Variants in DENND1B observed in about 807,000 individuals in gnomAD.
The protein encoded by DENND1B is DENN domain-containing protein 1B.
Under a neutral mutation model 90.1 loss-of-function variants are expected in DENND1B, and 59 were observed. The observed-to-expected ratio is 0.65, with a 90% CI of 0.53 to 0.81. The LOEUF is 0.81. Ranked by LOEUF, DENND1B falls within the 40% of genes least tolerant of loss-of-function variation. The probability of loss-of-function intolerance (pLI) is 0.00; values close to 1 mark genes in which losing one functional copy is unlikely to be tolerated. For missense variants in DENND1B, 862 were observed against 912.6 expected (o/e 0.94, Z 0.71); for synonymous variants, 337 against 324.6 (o/e 1.04, Z -0.41).
At chr1:197,589,984 A>T (rs535150869) in intron 14 of DENND1B, among the ~76,000 whole-genome samples, 44 of 152,302 alleles carry the variant, frequency 2.9e-4, no homozygotes, top group African/African-American at 8.2e-4. Context: ...TTATTTAAAA[A>T]TTTGACTTAT....
intron 20 of DENND1B, among the ~76,000 whole-genome samples, chr1:197,525,455 A>G (rs1296977892): frequency 6.6e-6 from 1 of 152,106 alleles, no homozygotes; most frequent in Admixed American, 6.5e-5. Flanking sequence ...ACAGGGTTTC[A>G]ATATTTCAAC....
At chr1:197,696,307 A>G (rs1373059966) in intron 3 of DENND1B, among the ~76,000 whole-genome samples, 3 of 151,536 alleles carry the variant, frequency 2.0e-5, no homozygotes, top group African/African-American at 7.3e-5. Flanking sequence ...TTCTACCAAG[A>G]TTTGATTAAT....
chr1:197,669,711 T>G (rs936312970), intron 5 of DENND1B, among the ~76,000 whole-genome samples: 28 of 152,206 alleles, frequency 1.8e-4, no homozygotes, highest in African/African-American at 6.7e-4. Context: ...AAATTTAAGA[T>G]TTTCCTCTAT....
intron 20 of DENND1B, among the ~76,000 whole-genome samples, chr1:197,538,297 T>C (rs1423503112): frequency 6.6e-6 from 1 of 152,012 alleles, no homozygotes; most frequent in Non-Finnish European, 1.5e-5. Flanking sequence ...TTGAACATAT[T>C]AGTGGTGGGA....
intron 13 of DENND1B, among the ~76,000 whole-genome samples, chr1:197,602,856 G>A (rs558436695): frequency 4.0e-5 from 6 of 151,420 alleles, no homozygotes; most frequent in Non-Finnish European, 7.4e-5. Context: ...GTTTTCTCCA[G>A]TTCTTACATG....
intron 10 of DENND1B, among the ~76,000 whole-genome samples, chr1:197,624,811 GAAGTGCTTA>G (rs1194974163): frequency 6.6e-6 from 1 of 151,896 alleles, no homozygotes; most frequent in Non-Finnish European, 1.5e-5. Context: ...CCAATACAGA[GAAGTGCTTA>G]AAGGAGCTGA....
rs759023347 is a variant in DENND1B, at chr1:197,642,794, C to T, written c.589G>A (p.Val197Met). Residue 197 changes from valine (V) to methionine (M), a missense_variant, in exon 10 of 23, where the codon GTG (valine) becomes ATG (methionine). Physicochemically the swap from Val to Met is conservative, Grantham distance 21 (BLOSUM62 1). Coordinates refer to ENST00000620048, the MANE Select transcript of DENND1B (RefSeq NM_001195215.2). ...AGCTGCAGCATGTTGTTCACATCCA[C>T]GGCAACAAAATATTCTGTAAGATTT... ...SRNLTEYFVA[V>M]DVNNMLQLYA... is the part of the protein sequence containing the mutation. 9.9e-6 allele frequency: 16 copies of T among 1,612,962 alleles called. No individual in the cohort carries two copies. The highest frequency in any genetic ancestry group is 4.5e-5 in the East Asian group (2 of 44,820).
intron 9 of DENND1B, 105 bp from the exon 10 acceptor site, chr1:197,642,926 AT>A (rs1448525632): frequency 3.0e-6 from 2 of 675,268 alleles, no homozygotes; most frequent in Non-Finnish European, 5.0e-6. Context: ...GGGTATTATT[AT>A]TTAAAATGGT....
chr1:197,525,317 G>T (rs1263154480), intron 20 of DENND1B, among the ~76,000 whole-genome samples: 1 of 151,942 alleles, frequency 6.6e-6, no homozygotes, highest in Non-Finnish European at 1.5e-5. Flanking sequence ...AACTTTTCAG[G>T]ACCAAAAGAT....
intron 19 of DENND1B, among the ~76,000 whole-genome samples, chr1:197,540,666 T>G (rs1486838484): frequency 1.3e-5 from 2 of 152,126 alleles, no homozygotes; most frequent in Non-Finnish European, 2.9e-5. Context: ...AAGCAAGAAC[T>G]TCAATTGTGA....
At chr1:197,623,357 A>G (rs1437215185) in intron 10 of DENND1B, among the ~76,000 whole-genome samples, 1 of 151,474 alleles carries the variant, frequency 6.6e-6, no homozygotes, top group South Asian at 2.1e-4. Flanking sequence ...AGTGGAAACC[A>G]TAAAGAAAAA....
At chr1:197,708,211 T>A (rs1435252614) in intron 3 of DENND1B, among the ~76,000 whole-genome samples, 1 of 77,684 alleles carries the variant, frequency 1.3e-5, no homozygotes, top group African/African-American at 5.4e-5. Context: ...AAGCTCGAAC[T>A]GGGTGGAGCC....
intron 11 of DENND1B, among the ~76,000 whole-genome samples, chr1:197,614,635 C>A (rs1207609925): frequency 1.3e-5 from 2 of 150,800 alleles, no homozygotes; most frequent in Non-Finnish European, 3.0e-5. Context: ...TTCACCTGTA[C>A]TTAAGAATAG....
intron 11 of DENND1B, among the ~76,000 whole-genome samples, chr1:197,612,923 A>G (rs1240546002): frequency 6.6e-6 from 1 of 150,844 alleles, no homozygotes; most frequent in Non-Finnish European, 1.5e-5. Flanking sequence ...TTTCAAACCT[A>G]AAATATTATC....
chr1:197,762,917 T>C (rs1468625252), intron 2 of DENND1B, among the ~76,000 whole-genome samples: 1 of 151,930 alleles, frequency 6.6e-6, no homozygotes, highest in Admixed American at 6.6e-5. Context: ...TTCCATTGCA[T>C]ATATGTATAC....
At chr1:197,739,717 C>G (rs1341902305) in intron 2 of DENND1B, among the ~76,000 whole-genome samples, 1 of 152,054 alleles carries the variant, frequency 6.6e-6, no homozygotes, top group African/African-American at 2.4e-5. Context: ...GTCATTGTAT[C>G]CTGGATATAT....
rs574534426 is a variant in DENND1B at position 197,588,030 on chromosome 1, C to T, written c.1048-4777G>A. 9.9e-5 allele frequency among the ~76,000 whole-genome samples: 15 copies of T among 152,212 alleles called. No individual in the cohort carries two copies. In the South Asian group the frequency reaches 1.9e-3, roughly 19 times the overall value. On this transcript the variant is annotated intron_variant, in intron 14 of 22. Coordinates refer to ENST00000620048, the MANE Select transcript of DENND1B (RefSeq NM_001195215.2). ...AAGCAGTAATGTGAGCCATGGGGAG[C>T]GGCTGTAAATACAGATGAAGCTTCA...
At chr1:197,728,829 A>G (rs2102307547) in intron 2 of DENND1B, among the ~76,000 whole-genome samples, 1 of 152,312 alleles carries the variant, frequency 6.6e-6, no homozygotes, top group Middle Eastern at 3.4e-3. Context: ...TTAATGCCTC[A>G]TATAGAACTT....
intron 14 of DENND1B, 59 bp from the exon 15 acceptor site, chr1:197,583,312 C>A: frequency 1.3e-6 from 2 of 1,495,310 alleles, no homozygotes; most frequent in East Asian, 2.3e-5. Flanking sequence ...GAGAACTAGT[C>A]TCTTTAAATA....
Sources: allele counts gnomAD v4.1 joint callset (sites outside exome capture counted in the v4.1 genomes callset), GRCh38; gene constraint gnomAD v4.1.1; transcripts MANE v1.5; gene names NCBI Gene and HGNC (gene_info 2026-07-23, HGNC 2026-07-21).